Variants in LTAP1 observed in about 807,000 individuals in gnomAD.
LTAP1 encodes lipid transport auxiliary protein 1.
the LTAP1 span, chr1:154,220,121 C>T: frequency 0.019 from 13,792 of 714,844 alleles, 1,387 homozygotes; most frequent in African/African-American, 0.22. Context: ...AGCAGGGAGG[C>T]GTGGGGTCTG....
chr1:154,212,685 G>A, the LTAP1 span: 10 of 1,586,020 alleles, frequency 6.3e-6, no homozygotes, highest in South Asian at 1.0e-4. Flanking sequence ...TTTTGAGATG[G>A]AGTCTCGCTC....
chr1:154,214,632 T>C, the LTAP1 span: 1 of 1,101,590 alleles, frequency 9.1e-7, no homozygotes, highest in Non-Finnish European at 1.4e-6. Context: ...TTTCCACCAA[T>C]GTGAAAATGG....
At chr1:154,220,489 G>C in the LTAP1 span, 2 of 1,528,744 alleles carry the variant, frequency 1.3e-6, no homozygotes, top group Non-Finnish European at 1.8e-6. Context: ...AAGCGACGGC[G>C]CCTGGGTCCC....
the LTAP1 span, chr1:154,220,296 CT>C: frequency 6.2e-7 from 1 of 1,608,636 alleles, no homozygotes; most frequent in Non-Finnish European, 8.5e-7. Flanking sequence ...AGGGTCTCTA[CT>C]GGGTAAGATG....
At chr1:154,207,279 G>A in the LTAP1 span, 1 of 597,344 alleles carries the variant, frequency 1.7e-6, no homozygotes, top group East Asian at 2.9e-5. Context: ...CATAAGGAAG[G>A]GTTGGGGAAT....
chr1:154,210,182 G>A, the LTAP1 span, among the ~76,000 whole-genome samples: 1 of 152,070 alleles, frequency 6.6e-6, no homozygotes, highest in Non-Finnish European at 1.5e-5. Flanking sequence ...GGGATTACAG[G>A]CATGTGCCAC....
At chr1:154,212,684 G>C in the LTAP1 span, 1 of 1,585,606 alleles carries the variant, frequency 6.3e-7, no homozygotes, top group Non-Finnish European at 8.6e-7. Context: ...TTTTTGAGAT[G>C]GAGTCTCGCT....
chr1:154,215,443 G>A, the LTAP1 span, among the ~76,000 whole-genome samples: 1 of 151,646 alleles, frequency 6.6e-6, no homozygotes, highest in African/African-American at 2.4e-5. Flanking sequence ...GCGGGGTCCT[G>A]TAGTCCCAGC....
the LTAP1 span, among the ~76,000 whole-genome samples, chr1:154,215,096 T>C: frequency 6.6e-6 from 1 of 151,976 alleles, no homozygotes; most frequent in Non-Finnish European, 1.5e-5. Context: ...CCGCCTGCCT[T>C]GGCCTCCCAA....
At chr1:154,207,568 G>A in the LTAP1 span, 2 of 1,614,098 alleles carry the variant, frequency 1.2e-6, no homozygotes, top group Non-Finnish European at 8.5e-7. Context: ...GATGGTTGTT[G>A]GGGAGACCTC....
chr1:154,216,122 C>A, the LTAP1 span, among the ~76,000 whole-genome samples: 2 of 152,122 alleles, frequency 1.3e-5, no homozygotes, highest in Non-Finnish European at 1.5e-5. Flanking sequence ...CAGGCGTGAG[C>A]CACCGCGCCC....
At chr1:154,209,323 T>C in the LTAP1 span, among the ~76,000 whole-genome samples, 1 of 152,018 alleles carries the variant, frequency 6.6e-6, no homozygotes, top group Non-Finnish European at 1.5e-5. Flanking sequence ...AGTATTTATC[T>C]TTCAAAGAAA....
chr1:154,212,036 A>G, the LTAP1 span: 1 of 342,336 alleles, frequency 2.9e-6, no homozygotes, highest in Non-Finnish European at 5.6e-6. Context: ...TTGTATTTTT[A>G]GTAGAGAACG....
chr1:154,220,261 T>C, the LTAP1 span: 1 of 1,522,734 alleles, frequency 6.6e-7, no homozygotes, highest in Non-Finnish European at 9.1e-7. Flanking sequence ...GGGTGGAGAA[T>C]GCAGACGGGG....
chr1:154,212,834 G>C, the LTAP1 span: 18 of 543,458 alleles, frequency 3.3e-5, 1 homozygote, highest in South Asian at 3.7e-4. Context: ...GCTTATTTTT[G>C]TATTTTTAGT....
the LTAP1 span, among the ~76,000 whole-genome samples, chr1:154,217,728 G>C: frequency 2.6e-5 from 4 of 151,724 alleles, no homozygotes; most frequent in East Asian, 7.8e-4. Context: ...GTCTGGTCTC[G>C]AACTCCTGAC....
the LTAP1 span, among the ~76,000 whole-genome samples, chr1:154,215,421 C>T: frequency 6.6e-6 from 1 of 151,854 alleles, no homozygotes; most frequent in Non-Finnish European, 1.5e-5. Flanking sequence ...AAAAAATTAG[C>T]CGGGCGTTGT....
the LTAP1 span, chr1:154,220,311 C>G: frequency 6.2e-7 from 1 of 1,613,228 alleles, no homozygotes; most frequent in Non-Finnish European, 8.5e-7. Flanking sequence ...TAAGATGCGA[C>G]AGCAGGAATG....
chr1:154,212,692 G>A, the LTAP1 span: 9 of 1,564,742 alleles, frequency 5.8e-6, no homozygotes, highest in South Asian at 5.8e-5. Flanking sequence ...ATGGAGTCTC[G>A]CTCTGTCACC....
Sources: gnomAD v4.1 joint callset for allele counts (sites outside exome capture counted in the v4.1 genomes callset) on GRCh38, gnomAD v4.1.1 for gene constraint, MANE v1.5 for transcripts, NCBI Gene and HGNC (gene_info 2026-07-23, HGNC 2026-07-21) for gene names.